TENM4: variants seen among roughly 807,000 people sequenced by gnomAD.
TENM4 encodes the protein teneurin-4.
Under a neutral mutation model 243.3 loss-of-function variants are expected in TENM4, and 82 were observed. The observed-to-expected ratio is 0.34, with a 90% CI of 0.28 to 0.40. The LOEUF (loss-of-function observed/expected upper bound fraction) is 0.40. Ranked by LOEUF, TENM4 falls within the 10% of genes least tolerant of loss-of-function variation. The pLI, the probability that TENM4 is intolerant of heterozygous loss-of-function variation, is 1.00. For missense variants in TENM4, 3,138 were observed against 3,673.3 expected (o/e 0.85, Z 3.77); for synonymous variants, 1,412 against 1,456.3 (o/e 0.97, Z 0.69).
chr11:78,683,826 T>G (rs1334324604), intron 29 of TENM4, among the ~76,000 whole-genome samples: 1 of 152,182 alleles, frequency 6.6e-6, no homozygotes, highest in Non-Finnish European at 1.5e-5. Flanking sequence ...AAATGAAACT[T>G]ACGGTGAAAA....
Position 78,926,677 on chromosome 11 carries a change from G to T in TENM4, c.494-23154C>A, listed in dbSNP as rs56113133. On this transcript the variant is annotated intron_variant, in intron 6 of 33. Coordinates refer to ENST00000278550, the MANE Select transcript of TENM4 (RefSeq NM_001098816.3). ...ATAATTAAAAATAAAGGTGTTTTTT[G>T]TTTTTTTTTTTTTCTGCCACAGAGG... Among the ~76,000 whole-genome samples, 755 of 127,220 alleles carry T rather than the reference G, an allele frequency of 5.9e-3. 8 individuals carry two copies. The highest frequency in any genetic ancestry group is 0.02 in the African/African-American group (634 of 32,504). The allele number at this position is 127,220 out of a possible 152,430, so 83.5% of individuals were successfully genotyped here.
intron 2 of TENM4, among the ~76,000 whole-genome samples, chr11:79,238,261 G>C (rs1864516520): frequency 6.6e-6 from 1 of 152,190 alleles, no homozygotes; most frequent in Non-Finnish European, 1.5e-5. Context: ...AATTTCATGT[G>C]TCAAGTTGAC....
At chr11:78,962,686 A>C (rs1857356348) in intron 6 of TENM4, among the ~76,000 whole-genome samples, 1 of 152,242 alleles carries the variant, frequency 6.6e-6, no homozygotes, top group African/African-American at 2.4e-5. Context: ...TGATCTATCA[A>C]ACAGCTGCCC....
intron 3 of TENM4, among the ~76,000 whole-genome samples, chr11:79,182,412 A>T (rs1015321703): frequency 6.6e-6 from 1 of 152,210 alleles, no homozygotes; most frequent in African/African-American, 2.4e-5. Flanking sequence ...ATCTAGACTT[A>T]GACCTCATTC....
chr11:79,144,192 G>C (rs1434149715), intron 4 of TENM4, among the ~76,000 whole-genome samples: 1 of 151,980 alleles, frequency 6.6e-6, no homozygotes, highest in Non-Finnish European at 1.5e-5. Flanking sequence ...CAAACAGGTA[G>C]ATGAAAAAGT....
chr11:79,065,019 C>T lies in TENM4; in HGVS notation c.224-12G>A. 6.9e-7 allele frequency: 1 copy of T among 1,454,650 alleles called. No individual in the cohort carries two copies. Among genetic ancestry groups the T allele is most frequent in the Non-Finnish European group, 9.1e-7 (1 of 1,099,724 alleles). 90.1% of individuals were successfully genotyped at this position (1,454,650 alleles called of 1,614,324 possible). On this transcript the variant is annotated splice_polypyrimidine_tract_variant and intron_variant, in intron 5 of 33. Transcript: ENST00000278550. ...GGTGAAGTTGGCACCTGGGAGGAAA[C>T]ACAGGTGAACTTGGTTAGGGCACTG...
At chr11:78,995,373 T>C (rs1858146315) in intron 6 of TENM4, among the ~76,000 whole-genome samples, 1 of 152,094 alleles carries the variant, frequency 6.6e-6, no homozygotes, top group Non-Finnish European at 1.5e-5. Flanking sequence ...AGGAGTGACG[T>C]CCTGAAAACT....
At chr11:79,207,139 G>C (rs540420884) in intron 3 of TENM4, among the ~76,000 whole-genome samples, 1 of 152,282 alleles carries the variant, frequency 6.6e-6, no homozygotes, top group Admixed American at 6.5e-5. Flanking sequence ...GTCGGGGCAG[G>C]CTGCCTGCAA....
rs541271313 is a variant in TENM4 at position 79,066,684 on chromosome 11, G to A, written c.224-1677C>T. Among the ~76,000 whole-genome samples, 426 of 148,644 alleles carry A rather than the reference G, an allele frequency of 2.9e-3. 2 individuals are homozygous for A. Among genetic ancestry groups the A allele is most frequent in the African/African-American group, 9.8e-3 (390 of 39,760 alleles). On this transcript the variant is annotated intron_variant, in intron 5 of 33. Transcript: ENST00000278550. ...AACATGCACATGCACACACACGCAC[G>A]CATGCACACTCGAGCACACACACGC...
intron 12 of TENM4, among the ~76,000 whole-genome samples, chr11:78,816,481 G>C (rs1857606939): frequency 6.6e-6 from 1 of 152,244 alleles, no homozygotes; most frequent in African/African-American, 2.4e-5. Flanking sequence ...GGATCAAACA[G>C]TGGGACAGAG....
At chr11:78,703,729 T>C (rs1268244919) in intron 27 of TENM4, among the ~76,000 whole-genome samples, 3 of 152,084 alleles carry the variant, frequency 2.0e-5, no homozygotes, top group Non-Finnish European at 4.4e-5. Context: ...ACCCTACTGC[T>C]GATTTTTCCA....
chr11:79,083,988 C>CAT (rs993293062), intron 4 of TENM4, among the ~76,000 whole-genome samples: 1 of 151,732 alleles, frequency 6.6e-6, no homozygotes, highest in African/African-American at 2.4e-5. Flanking sequence ...TGTGTATACA[C>CAT]ATATATATAT....
chr11:78,692,188 C>A (rs574790350), intron 28 of TENM4, among the ~76,000 whole-genome samples: 1 of 152,262 alleles, frequency 6.6e-6, no homozygotes, highest in South Asian at 2.1e-4. Context: ...TGGGAACCCA[C>A]AAAGTACTGG....
intron 2 of TENM4, among the ~76,000 whole-genome samples, chr11:79,229,036 C>T (rs1387959847): frequency 3.9e-5 from 6 of 152,176 alleles, no homozygotes; most frequent in Admixed American, 6.5e-5. Flanking sequence ...TTTTTGATGG[C>T]CTTGACTGTT....
At chr11:79,329,144 T>G (rs1162924825) in intron 1 of TENM4, among the ~76,000 whole-genome samples, 3 of 152,168 alleles carry the variant, frequency 2.0e-5, no homozygotes, top group Non-Finnish European at 4.4e-5. Context: ...AGATGAGCAT[T>G]TTTGTTTTCT....
intron 15 of TENM4, among the ~76,000 whole-genome samples, 194 bp from the exon 16 acceptor site, chr11:78,787,277 C>T (rs1206544647): frequency 1.3e-5 from 2 of 152,220 alleles, no homozygotes; most frequent in African/African-American, 4.8e-5. Context: ...GACTAATCTC[C>T]GTGGACAATG....
chr11:79,257,129 T>A (rs1193581217), intron 2 of TENM4, among the ~76,000 whole-genome samples: 1 of 151,882 alleles, frequency 6.6e-6, no homozygotes, highest in East Asian at 1.9e-4. Flanking sequence ...TGGTAGGAGA[T>A]GGGCTGGAGG....
intron 1 of TENM4, among the ~76,000 whole-genome samples, chr11:79,349,503 C>T (rs773156298): frequency 3.9e-4 from 60 of 152,190 alleles, no homozygotes; most frequent in Admixed American, 1.1e-3. Context: ...ATCATTCCTT[C>T]GTTCATAAAT....
intron 6 of TENM4, among the ~76,000 whole-genome samples, chr11:78,970,028 G>A (rs1159340000): frequency 2.0e-5 from 3 of 152,164 alleles, no homozygotes; most frequent in Non-Finnish European, 2.9e-5. Flanking sequence ...CTAGCCATAG[G>A]GCATTCAGTT....
Sources: gnomAD v4.1 joint callset for allele counts (sites outside exome capture counted in the v4.1 genomes callset) on GRCh38, gnomAD v4.1.1 for gene constraint, MANE v1.5 for transcripts, NCBI Gene and HGNC (gene_info 2026-07-23, HGNC 2026-07-21) for gene names.